Variants in PLXNA3 observed in about 807,000 individuals in gnomAD.
PLXNA3 encodes plexin-A3.
Under a neutral mutation model 118.8 loss-of-function variants are expected in PLXNA3, and 52 were observed. The ratio of observed to expected loss-of-function variants is 0.44; its 90% CI spans 0.35 to 0.55. The LOEUF (loss-of-function observed/expected upper bound fraction) is 0.55, where lower values mean the gene tolerates loss of function less well. Ranked by LOEUF, PLXNA3 falls within the 20% of genes least tolerant of loss-of-function variation. The pLI is 0.01. For missense variants in PLXNA3, 1,660 were observed against 1,730.8 expected, an observed-to-expected ratio of 0.96 and a Z score of 0.73; for synonymous variants, 925 against 762.4, an observed-to-expected ratio of 1.21 and a Z score of -3.51.
rs139573527 is a variant in PLXNA3 at position 154,462,160 on chromosome X, G to A, written c.1167G>A (p.Leu389=). The A allele has an allele frequency of 1.0e-3, 1,220 of 1,200,990 alleles. 1 individual carries two copies. The highest frequency in any genetic ancestry group is 1.4e-3 in the Middle Eastern group (6 of 4,289). Residue 389 remains leucine (L), a synonymous_variant, in exon 4 of 33, where the codon CTG becomes CTA. Transcript: ENST00000369682. ...PMQINGNFCG[L]VLNQPLGGLH... is the part of the protein sequence containing the mutation. ...AGATCAACGGCAACTTCTGTGGGCT[G>A]GTGTTGAACCAGCCTCTGGGAGGCC...
chrX:154,472,976 A>G lies in PLXNA3; in HGVS notation c.*291A>G. The G allele has an allele frequency of 3.9e-6, 1 of 255,830 alleles. No homozygotes were observed. 21.1% of individuals were successfully genotyped at this position (255,830 alleles called of 1,213,427 possible). On this transcript the variant is annotated 3_prime_UTR_variant, in exon 33 of 33. Transcript: ENST00000369682. ...GACAGTCCCACCCTCCCTGCTATTT[A>G]TATCCCTCTGCCTATTTATTGAATC...
Position 154,469,069 on chromosome X carries a change from T to C in PLXNA3, c.4448T>C (p.Val1483Ala). 8.3e-7 allele frequency: 1 copy of C among 1,211,538 alleles called. No individual in the cohort carries two copies. Among genetic ancestry groups the C allele is most frequent in the Non-Finnish European group, 1.1e-6 (1 of 895,543 alleles). The change falls in exon 26 of 33, where the codon GTG (valine) becomes GCG (alanine). Residue 1483 changes from valine (V) to alanine (A), a missense_variant. Val to Ala is a moderately conservative substitution (Grantham distance 64). Around this residue, in one of 2 missense-constraint regions of PLXNA3, gnomAD observed 869 missense variants for 1,078.7 expected, o/e 0.81. Coordinates refer to ENST00000369682, the MANE Select transcript of PLXNA3 (RefSeq NM_017514.5). ...IDYKTLTLHC[V>A]CPENEGSAQV... is the part of the protein sequence containing the mutation. Reference sequence around the variant, plus strand: ...CTTTCCCCTCAGACCCTTCACTGCGTGTGTCCGGAGAACGAGGGCAGCGCC... The same window carrying C: ...CTTTCCCCTCAGACCCTTCACTGCGCGTGTCCGGAGAACGAGGGCAGCGCC...
rs1557208611 is a variant in PLXNA3 at position 154,469,437 on chromosome X, G to C, written c.4653G>C (p.Lys1551Asn). The change falls in exon 27 of 33, where the codon AAG becomes AAC. Residue 1551 changes from lysine to asparagine, a missense_variant. Physicochemically the swap from Lys to Asn is moderately conservative, Grantham distance 94 (BLOSUM62 0). This residue lies in a region of PLXNA3 where 869 missense variants were observed against 1,078.7 expected (regional missense o/e 0.81). Transcript: ENST00000369682. ...TCCAGGATGAGGATGTCACCACCAAGATCGAGTGTGACTGGAAGAGGCTCA... is the reference window on the plus strand; with the variant it reads ...TCCAGGATGAGGATGTCACCACCAACATCGAGTGTGACTGGAAGAGGCTCA... ...IILQDEDVTTKIECDWKRLNS... is the reference protein window; with the variant it reads ...IILQDEDVTTNIECDWKRLNS... 2 of 1,209,690 alleles carry C rather than the reference G, an allele frequency of 1.7e-6. No individual in the cohort carries two copies. The highest frequency in any genetic ancestry group is 2.2e-5 in the Admixed American group (1 of 46,133).
At chrX:154,463,560 T>TGGGGGGGGGGGGGGG in intron 5 of PLXNA3, 30 bp from the exon 6 acceptor site, 4 of 630,233 alleles carry the variant, frequency 6.3e-6, no homozygotes, top group East Asian at 4.7e-5. Context: ...GGGGCGGGGG[T>TGGGGGGGGGGGGGGG]GGGCTGGGTG....
At chrX:154,472,525 G>A (rs1330061181) in intron 32 of PLXNA3, 65 bp from the exon 33 acceptor site, 5 of 748,966 alleles carry the variant, frequency 6.7e-6, no homozygotes, top group Non-Finnish European at 1.0e-5. Flanking sequence ...TGGGAAGTGG[G>A]GACTTTGCAT....
rs782082210 is a variant in PLXNA3 at position 154,463,433 on chromosome X, G to C, written c.1360G>C (p.Val454Leu). 9 of 1,207,344 alleles carry C rather than the reference G, an allele frequency of 7.5e-6. No homozygotes were observed. ...CCAGGATGCCCACCTGTATGAGACA[G>C]TCCCCGTGGTGGATGGCAGCCCCAT... ...GFQDAHLYETVPVVDGSPILR... is the reference protein window; with the variant it reads ...GFQDAHLYETLPVVDGSPILR... Residue 454 changes from valine (V) to leucine (L), a missense_variant, in exon 5 of 33, where the codon GTC becomes CTC. Physicochemically the swap from Val to Leu is conservative, Grantham distance 32 (BLOSUM62 1). Around this residue, in one of 2 missense-constraint regions of PLXNA3, gnomAD observed 791 missense variants for 652.1 expected, o/e 1.21. Transcript: ENST00000369682.
chrX:154,461,620 G>C lies in PLXNA3; in HGVS notation c.1116G>C (p.Glu372Asp), dbSNP rs1557204599. ...TLALPWLLNK[E>D]LPCINTPMQI... ...CTCTGCCCTGGCTGCTGAACAAGGA[G>C]CTGCCCTGCATCAACACCGTGAGCC... Residue 372 changes from glutamate to aspartate, a missense_variant, in exon 3 of 33, where the codon GAG (glutamate) becomes GAC (aspartate). Physicochemically the swap from Glu to Asp is conservative, Grantham distance 45 (BLOSUM62 2). This residue lies in a region of PLXNA3 where 791 missense variants were observed against 652.1 expected (regional missense o/e 1.21). Coordinates refer to ENST00000369682, the MANE Select transcript of PLXNA3 (RefSeq NM_017514.5). 8.4e-7 allele frequency: 1 copy of C among 1,195,063 alleles called. No individual in the cohort carries two copies. Among genetic ancestry groups the C allele is most frequent in the Non-Finnish European group, 1.1e-6 (1 of 890,839 alleles).
Position 154,468,011 on chromosome X carries a change from G to A in PLXNA3, c.3820+10G>A, listed in dbSNP as rs1260264945. 8.3e-6 allele frequency: 10 copies of A among 1,200,705 alleles called. No homozygotes were observed. In the Admixed American group the frequency reaches 1.1e-4, roughly 13 times the overall value. ...CTGGAGTGCAAGGAAGGTGCCTGAG[G>A]CGGGGCGGGATGTGGTGTGGAAGCT... is the stretch of plus-strand genomic sequence containing the variant. On this transcript the variant is annotated intron_variant, in intron 21 of 32. Transcript: ENST00000369682.
Position 154,469,128 on chromosome X carries a change from A to G in PLXNA3, c.4507A>G (p.Ile1503Val), listed in dbSNP as rs2069142854. The change falls in exon 26 of 33, where the codon ATC (isoleucine) becomes GTC (valine). Residue 1503 changes from isoleucine (I) to valine (V), a missense_variant. Physicochemically the swap from Ile to Val is conservative, Grantham distance 29. Coordinates refer to ENST00000369682, the MANE Select transcript of PLXNA3 (RefSeq NM_017514.5). The stretch of plus-strand genomic sequence containing the variant: ...AGTGAAGGTTCTCAACTGTGACAGC[A>G]TCACCCAGGCCAAAGATAAGCTGCT... ...VPVKVLNCDSITQAKDKLLDT... is the reference protein window; with the variant it reads ...VPVKVLNCDSVTQAKDKLLDT... The G allele has an allele frequency of 3.3e-6, 4 of 1,211,126 alleles. No individual in the cohort carries two copies. Among genetic ancestry groups the G allele is most frequent in the Non-Finnish European group, 3.4e-6 (3 of 895,290 alleles).
Position 154,460,641 on chromosome X carries a change from G to A in PLXNA3, c.458G>A (p.Gly153Asp). 8.5e-7 allele frequency: 1 copy of A among 1,181,676 alleles called. No homozygotes were observed. Among genetic ancestry groups the A allele is most frequent in the Non-Finnish European group, 1.1e-6 (1 of 879,173 alleles). ...GCCCAGGAGCCCGACTCCATGGCTG[G>A]TGTCATTGTGGAGCAGGGCCAGGGG... ...SGAQEPDSMA[G>D]VIVEQGQGPS... The change falls in exon 2 of 33, where the codon GGT (glycine) becomes GAT (aspartate). Residue 153 changes from glycine to aspartate, a missense_variant. Physicochemically the swap from Gly to Asp is moderately conservative, Grantham distance 94 (BLOSUM62 -1). Coordinates refer to ENST00000369682, the MANE Select transcript of PLXNA3 (RefSeq NM_017514.5).
rs1355412229 is a variant in PLXNA3 at position 154,474,512 on chromosome X, C to G, written c.*1827C>G. The G allele has an allele frequency of 1.0e-5, 1 of 98,693 alleles. No individual in the cohort carries two copies. Among genetic ancestry groups the G allele is most frequent in the East Asian group, 3.2e-4 (1 of 3,097 alleles). The allele number at this position is 98,693 out of a possible 1,213,427, so 8.1% of individuals were successfully genotyped here. On this transcript the variant is annotated 3_prime_UTR_variant, in exon 33 of 33. Transcript: ENST00000369682. Reference sequence around the variant, plus strand: ...TTTTTTTCTTTGACGGAGTGTCGCTCTGTCGCCCAGGCTGGAGTGCAGTGG... The same window carrying G: ...TTTTTTTCTTTGACGGAGTGTCGCTGTGTCGCCCAGGCTGGAGTGCAGTGG...
In PLXNA3 at chrX:154,467,543, A is replaced by G; in HGVS notation, c.3442-2A>G. ...TGGGCTGAAGTTGTCCTCCACCCCC[A>G]GGGCAAGAACCTGATTCCCGCTGCA... On this transcript the variant is annotated splice_acceptor_variant, in intron 19 of 32. Coordinates refer to ENST00000369682, the MANE Select transcript of PLXNA3 (RefSeq NM_017514.5). LOFTEE classifies it high-confidence loss of function. The G allele has an allele frequency of 8.5e-7, 1 of 1,176,782 alleles. No individual in the cohort carries two copies.
chrX:154,464,292 C>T lies in PLXNA3; in HGVS notation c.1807C>T (p.Arg603Ter). ...CCCCTCACCCTCCCTCCAGGAGCTC[C>T]GAGCTCTTACCAGGGGGCATGGTCA... Reference protein sequence around the residue: ...LCPSPSLQELRALTRGHGATR... With the variant: ...LCPSPSLQEL Residue 603 changes from arginine to a stop codon, truncating the protein, a stop_gained, in exon 8 of 33, where the codon CGA becomes TGA. Transcript: ENST00000369682. LOFTEE classifies it high-confidence loss of function. 1 of 1,207,787 alleles carries T rather than the reference C, an allele frequency of 8.3e-7. No homozygotes were observed.
Position 154,465,048 on chromosome X carries a change from C to T in PLXNA3, c.2074C>T (p.Leu692Phe), listed in dbSNP as rs1557206460. 2 of 1,208,561 alleles carry T rather than the reference C, an allele frequency of 1.7e-6. No individual in the cohort carries two copies. The highest frequency in any genetic ancestry group is 1.8e-5 in the South Asian group (1 of 56,474). ...GCPEILPSGD[L>F]LIPVGVMQPL... ...CCCTGAGATCCTGCCCAGTGGGGACCTCCTGATCCCCGTTGGGGTCATGCA... is the reference window on the plus strand; with the variant it reads ...CCCTGAGATCCTGCCCAGTGGGGACTTCCTGATCCCCGTTGGGGTCATGCA... The change falls in exon 11 of 33, where the codon CTC becomes TTC. Residue 692 changes from leucine to phenylalanine, a missense_variant. This residue lies in a region of PLXNA3 where 791 missense variants were observed against 652.1 expected (regional missense o/e 1.21). Transcript: ENST00000369682.
chrX:154,470,424 CCT>C lies in PLXNA3; in HGVS notation c.4987-13_4987-12del. The stretch of plus-strand genomic sequence containing the variant: ...AACCTGGCTCCCTCATAGCCTGTGA[CCT>C]CTCTGCCCCACACAGGGCACACTGC... On this transcript the variant is annotated splice_polypyrimidine_tract_variant and intron_variant, in intron 29 of 32. Transcript: ENST00000369682. 8.3e-7 allele frequency: 1 copy of C among 1,201,217 alleles called. No individual in the cohort carries two copies.
intron 27 of PLXNA3, 47 bp from the exon 28 acceptor site, chrX:154,469,641 G>C: frequency 8.9e-7 from 1 of 1,129,157 alleles, no homozygotes; most frequent in South Asian, 1.8e-5. Flanking sequence ...GGGCGCCTTG[G>C]CTTCTCAGCT....
rs199861985 is a variant in PLXNA3, at chrX:154,460,409, C to T, written c.226C>T (p.Arg76Cys). ...CACGGGGCCCGTCGAGGACAACGCT[C>T]GCTGCTACCCGCCCCCCAGCATGCG... ...HVTGPVEDNA[R>C]CYPPPSMRVC... is the part of the protein sequence containing the mutation. Residue 76 changes from arginine to cysteine, a missense_variant, in exon 2 of 33, where the codon CGC becomes TGC. This residue lies in a region of PLXNA3 where 791 missense variants were observed against 652.1 expected (regional missense o/e 1.21). Coordinates refer to ENST00000369682, the MANE Select transcript of PLXNA3 (RefSeq NM_017514.5). 295 of 1,201,111 alleles carry T rather than the reference C, an allele frequency of 2.5e-4. No homozygotes were observed. The highest frequency in any genetic ancestry group is 2.9e-4 in the Non-Finnish European group (262 of 889,536).
chrX:154,466,764 C>T lies in PLXNA3; in HGVS notation c.3078C>T (p.Thr1026=). 8.4e-7 allele frequency: 1 copy of T among 1,189,574 alleles called. No individual in the cohort carries two copies. Among genetic ancestry groups the T allele is most frequent in the Non-Finnish European group, 1.1e-6 (1 of 884,342 alleles). Residue 1026 remains threonine (T), a synonymous_variant, in exon 17 of 33, where the codon ACC becomes ACT. Transcript: ENST00000369682. ...IYTYTQDPTV[T]RLEPTWSIIN... is the part of the protein sequence containing the mutation. ...CCTACACTCAGGACCCCACCGTCACCCGCCTTGAGCCCACCTGGAGCATCA... is the reference window on the plus strand; with the variant it reads ...CCTACACTCAGGACCCCACCGTCACTCGCCTTGAGCCCACCTGGAGCATCA...
rs3838186 is a variant in PLXNA3, at chrX:154,459,166, T to TC, written c.-28+746dup. Among the ~76,000 whole-genome samples the TC allele has an allele frequency of 7.1e-3, 569 of 80,528 alleles. 4 individuals carry two copies. The highest frequency in any genetic ancestry group is 9.9e-3 in the Non-Finnish European group (380 of 38,391). The allele number at this position is 80,528 out of a possible 115,157, so 69.9% of individuals were successfully genotyped here. Reference sequence around the variant, plus strand: ...TTTGGTTCCCTGCACCACCCCCCGCTCCCCCCCCGCCTCCCGCCCTCAAGC... The same window carrying TC: ...TTTGGTTCCCTGCACCACCCCCCGCTCCCCCCCCCGCCTCCCGCCCTCAAGC... On this transcript the variant is annotated intron_variant, in intron 1 of 32. Transcript: ENST00000369682.
Sources: gnomAD v4.1 joint callset for allele counts (sites outside exome capture counted in the v4.1 genomes callset) on GRCh38, gnomAD v4.1.1 for gene constraint, gnomAD v4.1.1 regional missense constraint, MANE v1.5 for transcripts, NCBI Gene and HGNC (gene_info 2026-07-23, HGNC 2026-07-21) for gene names.